Variants in CADPS observed in about 807,000 individuals in gnomAD.
The protein encoded by CADPS is calcium-dependent secretion activator 1.
Under a neutral mutation model 167.3 loss-of-function variants are expected in CADPS, and 57 were observed. That is an observed-to-expected ratio of 0.34 (90% CI 0.28 to 0.42). The LOEUF (loss-of-function observed/expected upper bound fraction) is 0.42. Among genes scored for constraint, CADPS ranks in the 20% least tolerant of loss-of-function variants. The probability of loss-of-function intolerance (pLI) is 1.00; values close to 1 mark genes in which losing one functional copy is unlikely to be tolerated. For missense variants in CADPS, 1,414 were observed against 1,738.1 expected, an observed-to-expected ratio of 0.81 and a Z score of 3.32; for synonymous variants, 676 against 635.3, an observed-to-expected ratio of 1.06 and a Z score of -0.96.
intron 3 of CADPS, among the ~76,000 whole-genome samples, chr3:62,695,251 AAGG>A (rs2080047454): frequency 6.6e-6 from 1 of 152,132 alleles, no homozygotes; most frequent in African/African-American, 2.4e-5. Flanking sequence ...TGCATCTTAC[AAGG>A]AGAAGACAGT....
chr3:62,872,877 G>T (rs1477222150), intron 1 of CADPS, among the ~76,000 whole-genome samples: 1 of 152,098 alleles, frequency 6.6e-6, no homozygotes, highest in Non-Finnish European at 1.5e-5. Context: ...AATATTTTTG[G>T]CTGGTGCTGT....
intron 10 of CADPS, among the ~76,000 whole-genome samples, chr3:62,550,642 T>A (rs957685816): frequency 6.6e-6 from 1 of 152,100 alleles, no homozygotes; most frequent in Non-Finnish European, 1.5e-5. Flanking sequence ...CCCAGATGAT[T>A]CAGATGGCGC....
intron 23 of CADPS, among the ~76,000 whole-genome samples, chr3:62,475,342 T>G (rs1199246894): frequency 6.6e-6 from 1 of 152,136 alleles, no homozygotes; most frequent in Non-Finnish European, 1.5e-5. Flanking sequence ...GGTTAGTAAG[T>G]GGCTTTATTA....
intron 3 of CADPS, among the ~76,000 whole-genome samples, chr3:62,720,341 G>GT (rs754850648): frequency 2.7e-4 from 40 of 146,470 alleles, no homozygotes; most frequent in South Asian, 1.5e-3. Flanking sequence ...TTGTTTGTTT[G>GT]TTTTTTTTTG....
chr3:62,626,127 G>C (rs1284197424), intron 6 of CADPS: 1 of 159,272 alleles, frequency 6.3e-6, no homozygotes, highest in Non-Finnish European at 1.4e-5. Flanking sequence ...TCAGAGAAAA[G>C]TGAGAGCCTC....
At chr3:62,677,213 T>G (rs1042560871) in intron 3 of CADPS, among the ~76,000 whole-genome samples, 2 of 151,918 alleles carry the variant, frequency 1.3e-5, no homozygotes, top group Non-Finnish European at 1.5e-5. Flanking sequence ...CCATCACAAT[T>G]TATAAGACAA....
chr3:62,473,529 T>A (rs1180572002), intron 24 of CADPS, among the ~76,000 whole-genome samples: 1 of 152,160 alleles, frequency 6.6e-6, no homozygotes, highest in Admixed American at 6.5e-5. Flanking sequence ...CAGAGAAAAA[T>A]GATCATGATA....
chr3:62,476,797 T>G (rs1201773900), intron 23 of CADPS, among the ~76,000 whole-genome samples: 1 of 152,214 alleles, frequency 6.6e-6, no homozygotes, highest in African/African-American at 2.4e-5. Context: ...AAGCCTTTAC[T>G]GTAATGCATT....
intron 1 of CADPS, among the ~76,000 whole-genome samples, chr3:62,848,199 G>A (rs1485427229): frequency 7.0e-6 from 1 of 143,424 alleles, no homozygotes; most frequent in Non-Finnish European, 1.5e-5. Flanking sequence ...AGATGAGTAA[G>A]TTGCGAAAAT....
intron 6 of CADPS, chr3:62,626,605 C>A: frequency 1.4e-6 from 1 of 699,694 alleles, no homozygotes; most frequent in Non-Finnish European, 2.6e-6. Context: ...GAAGGAAGAA[C>A]GTCTTAAATT....
chr3:62,561,607 G>A (rs890365529), intron 9 of CADPS, among the ~76,000 whole-genome samples: 2 of 151,846 alleles, frequency 1.3e-5, no homozygotes, highest in Non-Finnish European at 2.9e-5. Flanking sequence ...TGAGAACCAC[G>A]GTTTTAATAT....
chr3:62,856,765 A>G (rs1283359497), intron 1 of CADPS, among the ~76,000 whole-genome samples: 1 of 151,940 alleles, frequency 6.6e-6, no homozygotes, highest in Non-Finnish European at 1.5e-5. Flanking sequence ...GAGCAAATAG[A>G]TTTAATCTAT....
intron 23 of CADPS, chr3:62,477,872 C>A: frequency 5.3e-6 from 1 of 190,028 alleles, no homozygotes; most frequent in Non-Finnish European, 1.1e-5. Context: ...TACGCCAGCT[C>A]CAGAATTGCA....
chr3:62,539,662 C>T lies in CADPS; in HGVS notation c.1967-3081G>A, dbSNP rs1017725529. ...TACATTCCCAGCCCTAGAATAGTAC[C>T]TGGCACGTAGTAGGCACTAAGCACA... is the stretch of plus-strand genomic sequence containing the variant. On this transcript the variant is annotated intron_variant, in intron 11 of 29. Transcript: ENST00000383710. Among the ~76,000 whole-genome samples, 8 of 152,152 alleles carry T rather than the reference C, an allele frequency of 5.3e-5. No individual in the cohort carries two copies. In the South Asian group the frequency reaches 1.5e-3, roughly 28 times the overall value.
chr3:62,672,064 G>A (rs35636321), intron 3 of CADPS, among the ~76,000 whole-genome samples: 11,716 of 152,168 alleles, frequency 0.077, 588 homozygotes, highest in Non-Finnish European at 0.11. Context: ...ACAGGTGTGA[G>A]CCACCACACC....
At position 62,650,973 on chromosome 3, in the gene CADPS, T is replaced by C; in HGVS notation, c.1077A>G (p.Val359=). 1 of 1,614,108 alleles carries C rather than the reference T, an allele frequency of 6.2e-7. No individual in the cohort carries two copies. Among genetic ancestry groups the C allele is most frequent in the Admixed American group, 1.7e-5 (1 of 60,026 alleles). ...GGAGCTTGAACTCCCCGCCTTTGGA[T>C]ACCGGCATGCTCTCCAAGTTGGCCA... ...LLMANLESMP[V]SKGGEFKLQK... The change falls in exon 5 of 30, where the codon GTA becomes GTG. Residue 359 remains valine, a synonymous_variant. Coordinates refer to ENST00000383710, the MANE Select transcript of CADPS (RefSeq NM_003716.4).
intron 28 of CADPS, among the ~76,000 whole-genome samples, chr3:62,431,798 A>G (rs1160360587): frequency 6.6e-6 from 1 of 151,854 alleles, no homozygotes; most frequent in South Asian, 2.1e-4. Context: ...TGGCATGGGA[A>G]ATAGTGACCA....
At chr3:62,454,928 T>C (rs553239005) in intron 26 of CADPS, among the ~76,000 whole-genome samples, 5 of 152,254 alleles carry the variant, frequency 3.3e-5, no homozygotes, top group African/African-American at 1.2e-4. Context: ...CCCTACCTTT[T>C]ATTAAACAAA....
Position 62,532,971 on chromosome 3 carries a change from G to A in CADPS, c.2191C>T (p.Leu731Phe). The stretch of plus-strand genomic sequence containing the variant: ...TCTGCCCGTTCAAGCAAGTCTCTGA[G>A]GTAGCAGAGATGTCGGTGACACCCC... ...VRGCHRHLCY[L>F]RDLLERAENG... The change falls in exon 13 of 30, where the codon CTC becomes TTC. Residue 731 changes from leucine to phenylalanine, a missense_variant. Leu to Phe is a conservative substitution (Grantham distance 22). Transcript: ENST00000383710. The A allele has an allele frequency of 1.2e-6, 2 of 1,613,716 alleles. No homozygotes were observed. The highest frequency in any genetic ancestry group is 1.7e-6 in the Non-Finnish European group (2 of 1,179,740).
Sources: gnomAD v4.1 joint callset for allele counts (sites outside exome capture counted in the v4.1 genomes callset) on GRCh38, gnomAD v4.1.1 for gene constraint, MANE v1.5 for transcripts, NCBI Gene and HGNC (gene_info 2026-07-23, HGNC 2026-07-21) for gene names.